Variants in TNRC6C observed in about 807,000 individuals in gnomAD.
TNRC6C encodes trinucleotide repeat-containing gene 6C protein.
TNRC6C carries 20 observed loss-of-function variants against 153.7 expected under a neutral mutation model. The observed-to-expected ratio is 0.13, with a 90% CI of 0.09 to 0.19. TNRC6C has a LOEUF of 0.19. TNRC6C is among the 10% of genes least tolerant of loss of function. The pLI is 1.00. For missense variants in TNRC6C, 1,987 were observed against 2,172.0 expected (o/e 0.91, Z 1.69); for synonymous variants, 811 against 841.4 (o/e 0.96, Z 0.63).
chr17:78,087,585 A>G (rs908518574), intron 13 of TNRC6C, among the ~76,000 whole-genome samples: 5 of 152,038 alleles, frequency 3.3e-5, no homozygotes, highest in Admixed American at 1.3e-4. Flanking sequence ...TTCCTAGTCT[A>G]CTCTGAACTG....
chr17:78,006,559 T>C (rs1004799520), intron 1 of TNRC6C, among the ~76,000 whole-genome samples: 5 of 132,314 alleles, frequency 3.8e-5, no homozygotes, highest in African/African-American at 1.5e-4. Context: ...CTTCTTCTTC[T>C]TCCTTCTTCC....
At chr17:78,030,638 G>A (rs2072052796) in intron 1 of TNRC6C, among the ~76,000 whole-genome samples, 1 of 152,076 alleles carries the variant, frequency 6.6e-6, no homozygotes, top group Non-Finnish European at 1.5e-5. Flanking sequence ...AACCCAGAAT[G>A]CACCAATATA....
intron 1 of TNRC6C, among the ~76,000 whole-genome samples, chr17:77,964,805 G>T (rs1238102089): frequency 6.6e-6 from 1 of 152,190 alleles, no homozygotes. Flanking sequence ...TATGAAATAT[G>T]AAGTGCAGAG....
chr17:77,971,669 C>T (rs538975713), intron 1 of TNRC6C, among the ~76,000 whole-genome samples: 6 of 152,210 alleles, frequency 3.9e-5, no homozygotes, highest in Non-Finnish European at 2.9e-5. Context: ...TTAAAATCTG[C>T]TCTGCTTGCA....
chr17:77,965,746 C>G lies in TNRC6C; in HGVS notation c.-38+6478C>G, dbSNP rs114876639. ...CCACATACACATATTAAAAAGTTGACAAAAACCTAAGGTAATAGATCATTA... is the reference window on the plus strand; with the variant it reads ...CCACATACACATATTAAAAAGTTGAGAAAAACCTAAGGTAATAGATCATTA... On this transcript the variant is annotated intron_variant, in intron 1 of 22. Transcript: ENST00000636222. Among the ~76,000 whole-genome samples the G allele has an allele frequency of 9.0e-3, 1,377 of 152,270 alleles. 27 individuals are homozygous for G. Among genetic ancestry groups the G allele is most frequent in the African/African-American group, 0.032 (1,318 of 41,562 alleles).
chr17:78,074,928 GC>G (rs929343308), intron 7 of TNRC6C, among the ~76,000 whole-genome samples: 1 of 152,316 alleles, frequency 6.6e-6, no homozygotes, highest in Non-Finnish European at 1.5e-5. Flanking sequence ...GGTGCCTGGG[GC>G]CAACCCCCAT....
intron 3 of TNRC6C, 49 bp downstream of exon 5, chr17:78,051,497 A>C: frequency 7.5e-7 from 1 of 1,331,388 alleles, no homozygotes; most frequent in Non-Finnish European, 9.8e-7. Context: ...AAAAAAAAAA[A>C]AGCTTATTCT....
At chr17:78,054,564 G>A (rs1337432326) in intron 3 of TNRC6C, among the ~76,000 whole-genome samples, 2 of 151,774 alleles carry the variant, frequency 1.3e-5, no homozygotes, top group African/African-American at 4.8e-5. Flanking sequence ...GTGGACTACT[G>A]CGCACCACTG....
chr17:78,098,371 G>T lies in TNRC6C; in HGVS notation c.4335G>T (p.Trp1445Cys), dbSNP rs2073526576. ...AACTGTCAGACATCAAATCGACGTG[G>T]TCCTCTGGCCCTACCTCCCACACGC... Residue 1445 changes from tryptophan (W) to cysteine (C), a missense_variant, in exon 17 of 20, where the codon TGG (tryptophan) becomes TGT (cysteine). By Grantham distance (215) the Trp-to-Cys change is radical. Around this residue, in one of 4 missense-constraint regions of TNRC6C, gnomAD observed 765 missense variants for 908.6 expected, o/e 0.84. Coordinates refer to ENST00000301624, the Ensembl canonical transcript of TNRC6C. 1.2e-6 allele frequency: 2 copies of T among 1,612,986 alleles called. No individual in the cohort carries two copies. Among genetic ancestry groups the T allele is most frequent in the Admixed American group, 3.3e-5 (2 of 59,802 alleles).
At chr17:77,990,720 C>T (rs1274196465) in intron 1 of TNRC6C, among the ~76,000 whole-genome samples, 3 of 152,166 alleles carry the variant, frequency 2.0e-5, no homozygotes, top group African/African-American at 7.2e-5. Context: ...TTAAAAAATT[C>T]ATTAAGTGTA....
At chr17:78,027,422 C>T (rs1473051043) in intron 1 of TNRC6C, among the ~76,000 whole-genome samples, 1 of 152,146 alleles carries the variant, frequency 6.6e-6, no homozygotes, top group African/African-American at 2.4e-5. Context: ...AATGCAATGT[C>T]TTTCACTCTG....
intron 1 of TNRC6C, among the ~76,000 whole-genome samples, chr17:77,959,946 G>C (rs568681364): frequency 1.3e-5 from 2 of 152,322 alleles, no homozygotes; most frequent in East Asian, 3.9e-4. Context: ...TGCAGATGTG[G>C]ATGTGGGGGT....
upstream of TNRC6C, among the ~76,000 whole-genome samples, chr17:77,958,769 G>GCCGCCGCCGCCGGCC (rs955643758): frequency 1.4e-5 from 2 of 141,824 alleles, no homozygotes; most frequent in African/African-American, 6.0e-5. Context: ...GGGAGCCGTA[G>GCCGCCGCCGCCGGCC]CCGCCGCCGC....
Position 78,030,364 on chromosome 17 carries a change from A to G in TNRC6C, c.-545-1152A>G, listed in dbSNP as rs140653655. ...TGTGTAGTAGAGACAGGGTTTCACC[A>G]TTTTGGCCAGGCTGGTCTCGAACTC... On this transcript the variant is annotated intron_variant, in intron 1 of 19. Transcript: ENST00000301624. 1.2e-3 allele frequency among the ~76,000 whole-genome samples: 182 copies of G among 152,012 alleles called. 1 individual carries two copies. The highest frequency in any genetic ancestry group is 4.3e-3 in the African/African-American group (178 of 41,446).
At chr17:78,083,357 T>G (rs2073217141) in intron 11 of TNRC6C, among the ~76,000 whole-genome samples, 191 bp downstream of exon 13, 1 of 152,254 alleles carries the variant, frequency 6.6e-6, no homozygotes, top group African/African-American at 2.4e-5. Context: ...TTTGTAAATG[T>G]TTTGGCCTCT....
At position 78,038,197 on chromosome 17, in the gene TNRC6C, G is replaced by A. The variant is rs115007682; in HGVS notation, c.-219+6355G>A. ...GAGTGTATAAAAATTTAAAAGTTTT[G>A]TACATGAATATGAATAAAATCTGAG... On this transcript the variant is annotated intron_variant, in intron 2 of 19. Coordinates refer to ENST00000301624, the Ensembl canonical transcript of TNRC6C. 8.1e-3 allele frequency among the ~76,000 whole-genome samples: 1,238 copies of A among 152,270 alleles called. 19 individuals carry two copies. The highest frequency in any genetic ancestry group is 0.028 in the African/African-American group (1,149 of 41,554).
chr17:78,033,417 C>A (rs1471600723), intron 2 of TNRC6C, among the ~76,000 whole-genome samples: 1 of 152,144 alleles, frequency 6.6e-6, no homozygotes, highest in African/African-American at 2.4e-5. Context: ...CGCCTGTAAT[C>A]CCAGCACTTT....
At chr17:78,038,456 G>A (rs534919773) in intron 2 of TNRC6C, among the ~76,000 whole-genome samples, 1 of 151,996 alleles carries the variant, frequency 6.6e-6, no homozygotes, top group East Asian at 1.9e-4. Flanking sequence ...GGTGGATCAC[G>A]AGTTCAGGAG....
intron 2 of TNRC6C, among the ~76,000 whole-genome samples, chr17:78,038,597 T>G (rs998238745): frequency 1.3e-5 from 2 of 149,652 alleles, no homozygotes; most frequent in Non-Finnish European, 3.0e-5. Flanking sequence ...GAGAATGCCG[T>G]GAACCCGGGA....
Sources: allele counts gnomAD v4.1 joint callset (sites outside exome capture counted in the v4.1 genomes callset), GRCh38; gene constraint gnomAD v4.1.1; regional missense constraint gnomAD v4.1.1; transcripts MANE v1.5; gene names NCBI Gene and HGNC (gene_info 2026-07-23, HGNC 2026-07-21).